Variants in EEPD1 observed in about 807,000 individuals in gnomAD.
EEPD1 encodes endonuclease/exonuclease/phosphatase family domain containing 1.
Under a neutral mutation model 46.3 loss-of-function variants are expected in EEPD1, and 17 were observed. The ratio of observed to expected loss-of-function variants is 0.37; its 90% confidence interval spans 0.25 to 0.55. The LOEUF (loss-of-function observed/expected upper bound fraction) is 0.55. EEPD1 is among the 20% of genes least tolerant of loss of function. The probability of loss-of-function intolerance (pLI) is 0.83; values close to 1 mark genes in which losing one functional copy is unlikely to be tolerated. For missense variants in EEPD1, 673 were observed against 745.6 expected, an observed-to-expected ratio of 0.90 and a Z score of 1.13; for synonymous variants, 313 against 315.6, an observed-to-expected ratio of 0.99 and a Z score of 0.09.
At chr7:36,205,225 A>T (rs1043197678) in intron 2 of EEPD1, among the ~76,000 whole-genome samples, 2 of 152,194 alleles carry the variant, frequency 1.3e-5, no homozygotes, top group Non-Finnish European at 2.9e-5. Context: ...CAAAAGCCGG[A>T]AGGAGGTTCT....
chr7:36,159,394 C>CGT (rs540030024), intron 2 of EEPD1, among the ~76,000 whole-genome samples: 75 of 152,290 alleles, frequency 4.9e-4, no homozygotes, highest in African/African-American at 1.8e-3. Context: ...TGCAGCCAGA[C>CGT]GTAACATCTG....
chr7:36,236,152 T>C (rs1007954673), intron 2 of EEPD1, among the ~76,000 whole-genome samples: 20 of 152,234 alleles, frequency 1.3e-4, no homozygotes, highest in African/African-American at 4.6e-4. Context: ...CTAGCAGCCC[T>C]CGCTCACTCT....
chr7:36,232,201 G>GTTTTGT (rs1169378129), intron 2 of EEPD1, among the ~76,000 whole-genome samples: 5 of 138,242 alleles, frequency 3.6e-5, no homozygotes, highest in Non-Finnish European at 6.3e-5. Context: ...GTTTTGTTTT[G>GTTTTGT]TTTTGTTTTT....
At chr7:36,273,515 C>T (rs1787142096) in intron 3 of EEPD1, among the ~76,000 whole-genome samples, 2 of 152,062 alleles carry the variant, frequency 1.3e-5, no homozygotes, top group African/African-American at 4.8e-5. Flanking sequence ...AAAGTGAGCT[C>T]TTATTCCAGG....
At chr7:36,167,612 C>T (rs1029072967) in intron 2 of EEPD1, among the ~76,000 whole-genome samples, 3 of 151,194 alleles carry the variant, frequency 2.0e-5, no homozygotes, top group Non-Finnish European at 4.4e-5. Flanking sequence ...TCTTTGCTTG[C>T]CCTTGGCTAC....
rs547421290 is a variant in EEPD1 at position 36,238,884 on chromosome 7, A to C, written c.879-101A>C. ...AAGATGGCAGGTGACATAGAAATGCAGGATGAAATTTCAGCCTTTTGTTCT... is the reference window on the plus strand; with the variant it reads ...AAGATGGCAGGTGACATAGAAATGCCGGATGAAATTTCAGCCTTTTGTTCT... On this transcript the variant is annotated intron_variant, in intron 2 of 7. Transcript: ENST00000242108. The C allele has an allele frequency of 2.9e-5, 33 of 1,139,248 alleles. No homozygotes were observed. The African/African-American group carries it at 4.8e-4, about 17-fold the overall frequency. 70.6% of individuals were successfully genotyped at this position (1,139,248 alleles called of 1,614,324 possible). A position where few individuals can be genotyped will look rare whatever the true frequency, so the allele number is the denominator to read the frequency against.
chr7:36,222,806 C>A (rs1786169513), intron 2 of EEPD1, among the ~76,000 whole-genome samples: 1 of 152,122 alleles, frequency 6.6e-6, no homozygotes, highest in South Asian at 2.1e-4. Flanking sequence ...AGTCACTAAA[C>A]CCTCATGTCC....
chr7:36,236,813 C>T (rs1786454031), intron 2 of EEPD1, among the ~76,000 whole-genome samples: 1 of 152,174 alleles, frequency 6.6e-6, no homozygotes. Context: ...CAAGACGGAT[C>T]AATCAGTGCT....
In EEPD1 at chr7:36,297,066, A is replaced by G. The variant is rs1265372404; in HGVS notation, c.1389A>G (p.Lys463=). The G allele has an allele frequency of 6.2e-7, 1 of 1,614,260 alleles. No individual in the cohort carries two copies. Among genetic ancestry groups the G allele is most frequent in the South Asian group, 1.1e-5 (1 of 91,078 alleles). Residue 463 remains lysine, a synonymous_variant, in exon 7 of 8, where the codon AAA becomes AAG. Transcript: ENST00000242108. ...GCAATGACTATGATATCCTGAGGAA[A>G]GAAAAGTTCCACCACCTGATCCCCG... The part of the protein sequence containing the change: ...PDSNDYDILR[K]EKFHHLIPAH...
Position 36,186,054 on chromosome 7 carries a change from G to C in EEPD1, c.878+30852G>C, listed in dbSNP as rs187340078. On this transcript the variant is annotated intron_variant, in intron 2 of 7. Coordinates refer to ENST00000242108, the MANE Select transcript of EEPD1 (RefSeq NM_030636.3). Reference sequence around the variant, plus strand: ...CTGGAACTTATATTTCTTTCACGTGGTATATTTCTTTTGCAGGTTTGGCTT... The same window carrying C: ...CTGGAACTTATATTTCTTTCACGTGCTATATTTCTTTTGCAGGTTTGGCTT... Among the ~76,000 whole-genome samples the C allele has an allele frequency of 2.0e-5, 3 of 152,164 alleles. No homozygotes were observed. In the East Asian group the frequency reaches 5.8e-4, roughly 29 times the overall value.
chr7:36,160,113 G>A (rs934834270), intron 2 of EEPD1, among the ~76,000 whole-genome samples: 2 of 152,106 alleles, frequency 1.3e-5, no homozygotes, highest in Admixed American at 6.5e-5. Context: ...ATTTTCCCAG[G>A]GGCTATCCAT....
At chr7:36,201,254 AAAAG>A (rs1216602089) in intron 2 of EEPD1, among the ~76,000 whole-genome samples, 9 of 152,210 alleles carry the variant, frequency 5.9e-5, no homozygotes, top group African/African-American at 2.2e-4. Flanking sequence ...CTGGACCCAA[AAAAG>A]AACATTTGTG....
Position 36,154,054 on chromosome 7 carries a change from AACTC to A in EEPD1, c.-192-78_-192-75del, listed in dbSNP as rs1285256543. Reference sequence around the variant, plus strand: ...CACCAGTCCCCGACTCCTGGTTACTAACTCTAGCACTAGGTAGGGGGTGCTAATG... The same window carrying A: ...CACCAGTCCCCGACTCCTGGTTACTATAGCACTAGGTAGGGGGTGCTAATG... On this transcript the variant is annotated intron_variant, in intron 1 of 7. Transcript: ENST00000242108. This position sits in a 1 kb window ranked among gnomAD's most constrained non-coding sequence, Gnocchi z 4.2. The A allele has an allele frequency of 2.1e-6, 1 of 482,722 alleles. No individual in the cohort carries two copies. Among genetic ancestry groups the A allele is most frequent in the African/African-American group, 1.9e-5 (1 of 51,558 alleles). The allele number at this position is 482,722 out of a possible 1,614,324, so 29.9% of individuals were successfully genotyped here.
intron 6 of EEPD1, among the ~76,000 whole-genome samples, 154 bp downstream of exon 6, chr7:36,287,931 C>T (rs1360455123): frequency 6.6e-6 from 1 of 152,206 alleles, no homozygotes; most frequent in Non-Finnish European, 1.5e-5. Context: ...TCTCATGGAG[C>T]CCAGCTGACC....
At chr7:36,228,278 C>T (rs1050423890) in intron 2 of EEPD1, among the ~76,000 whole-genome samples, 27 of 152,068 alleles carry the variant, frequency 1.8e-4, no homozygotes, top group African/African-American at 2.2e-4. Context: ...GCCCTAATCC[C>T]GCACTTCGGG....
At chr7:36,167,299 G>A (rs189068903) in intron 2 of EEPD1, among the ~76,000 whole-genome samples, 46 of 152,318 alleles carry the variant, frequency 3.0e-4, no homozygotes, top group African/African-American at 1.1e-3. Context: ...GTTTCCTTCT[G>A]GGCAGTTTGT....
chr7:36,178,397 G>A (rs1390267130), intron 2 of EEPD1, among the ~76,000 whole-genome samples: 1 of 152,274 alleles, frequency 6.6e-6, no homozygotes, highest in African/African-American at 2.4e-5. Context: ...CTTTAGGTGA[G>A]TTCAGACTCC....
intron 2 of EEPD1, among the ~76,000 whole-genome samples, chr7:36,172,290 G>A (rs1486093455): frequency 1.3e-5 from 2 of 152,116 alleles, no homozygotes; most frequent in Admixed American, 6.6e-5. Flanking sequence ...TTTTGATTGT[G>A]GGTCTTTTCC....
At chr7:36,235,626 G>A (rs1359014447) in intron 2 of EEPD1, among the ~76,000 whole-genome samples, 8 of 152,244 alleles carry the variant, frequency 5.3e-5, no homozygotes, top group Admixed American at 5.2e-4. Flanking sequence ...TGGATCCTTG[G>A]TCACCTGCAC....
Sources: gnomAD v4.1 joint callset for allele counts (sites outside exome capture counted in the v4.1 genomes callset) on GRCh38, gnomAD v4.1.1 for gene constraint, Gnocchi (gnomAD v3.1) non-coding constraint, MANE v1.5 for transcripts, NCBI Gene and HGNC (gene_info 2026-07-23, HGNC 2026-07-21) for gene names.